The following TMEM114 variants were observed in gnomAD, a reference collection of about 807,000 sequenced individuals.
The protein encoded by TMEM114 is transmembrane protein 114.
Under a neutral mutation model 6.2 loss-of-function variants are expected in TMEM114, and 6 were observed. That is an observed-to-expected ratio of 0.97 (90% CI 0.53 to 1.91). The LOEUF (loss-of-function observed/expected upper bound fraction) is 1.91. Among genes scored for constraint, TMEM114 ranks in the 40% most tolerant of loss-of-function variants. The pLI is 0.01. For missense variants in TMEM114, 218 were observed against 158.3 expected (o/e 1.38, Z -2.02); for synonymous variants, 104 against 73.0 (o/e 1.42, Z -2.16).
In TMEM114 at chr16:8,563,837, G is replaced by A. The variant is rs879298418; in HGVS notation, n.212+25376C>T. Among the ~76,000 whole-genome samples, 498 of 84,816 alleles carry A rather than the reference G, an allele frequency of 5.9e-3. 1 individual carries two copies. Among genetic ancestry groups the A allele is most frequent in the Middle Eastern group, 0.032 (4 of 124 alleles). The allele number at this position is 84,816 out of a possible 152,430, so 55.6% of individuals were successfully genotyped here. A position where few individuals can be genotyped will look rare whatever the true frequency, so the allele number is the denominator to read the frequency against. On this transcript the variant is annotated intron_variant and non_coding_transcript_variant, in intron 2 of 2. Coordinates refer to the TMEM114 transcript ENST00000623677. ...AATGAGTGAGTGAGTGAATGAGTGA[G>A]GGAGGGAGGGAGGGAGGGAGGGAAT...
downstream of TMEM114, among the ~76,000 whole-genome samples, chr16:8,566,874 A>C (rs1010108633): frequency 2.7e-5 from 4 of 145,842 alleles, no homozygotes; most frequent in African/African-American, 7.6e-5. Context: ...TCTCTACCAG[A>C]CACCTTTCAT....
At chr16:8,548,531 G>C (rs1042985614) in intron 2 of TMEM114, among the ~76,000 whole-genome samples, 1 of 152,088 alleles carries the variant, frequency 6.6e-6, no homozygotes. Flanking sequence ...CAGGTGCACT[G>C]TGTATCTGTT....
the TMEM114 span, among the ~76,000 whole-genome samples, chr16:8,529,743 A>G: frequency 9.2e-5 from 14 of 151,984 alleles, no homozygotes; most frequent in Non-Finnish European, 1.6e-4. Flanking sequence ...AAAAAAAAAA[A>G]AGTCCTGATG....
At chr16:8,544,556 C>T (rs531172198) in intron 2 of TMEM114, among the ~76,000 whole-genome samples, 1 of 152,264 alleles carries the variant, frequency 6.6e-6, no homozygotes, top group South Asian at 2.1e-4. Flanking sequence ...CGGTAGACGA[C>T]CAACCTGTTG....
chr16:8,536,173 C>G (rs1234171614), downstream of TMEM114, among the ~76,000 whole-genome samples: 1 of 150,388 alleles, frequency 6.6e-6, no homozygotes, highest in Non-Finnish European at 1.5e-5. Flanking sequence ...TGCAGTGAGC[C>G]GAGATAGCAC....
intron 2 of TMEM114, among the ~76,000 whole-genome samples, chr16:8,539,068 T>C (rs1254738486): frequency 2.0e-5 from 3 of 152,158 alleles, no homozygotes; most frequent in Non-Finnish European, 2.9e-5. Flanking sequence ...AAATAGCGTA[T>C]TTGTGAGTTG....
rs201664765 is a variant in TMEM114 at position 8,563,192 on chromosome 16, A to AGTG, written n.213-25367_213-25366insCAC. The stretch of plus-strand genomic sequence containing the variant: ...GAGTAAATGAGTGAGTGAATGAGTG[A>AGTG]ATGAATGAGTGAATGAGTGAGCAAA... On this transcript the variant is annotated intron_variant and non_coding_transcript_variant, in intron 2 of 2. Transcript: ENST00000623677. Among the ~76,000 whole-genome samples, 102 of 151,810 alleles carry AGTG rather than the reference A, an allele frequency of 6.7e-4. No individual in the cohort carries two copies. The Middle Eastern group carries it at 0.01, about 15-fold the overall frequency.
At chr16:8,554,110 C>G (rs1394479415) in intron 2 of TMEM114, among the ~76,000 whole-genome samples, 7 of 152,158 alleles carry the variant, frequency 4.6e-5, no homozygotes, top group African/African-American at 1.7e-4. Flanking sequence ...AACTCCTGAG[C>G]TCAGGTGATC....
chr16:8,579,278 A>T (rs1902051705), intron 2 of TMEM114, among the ~76,000 whole-genome samples: 1 of 152,146 alleles, frequency 6.6e-6, no homozygotes. Context: ...GATGTCTCTT[A>T]CCCCAGGAAC....
At position 8,581,739 on chromosome 16, in the gene TMEM114, C is replaced by T. The variant is rs573576004; in HGVS notation, c.301+7474G>A. On this transcript the variant is annotated intron_variant, in intron 2 of 3. Coordinates refer to ENST00000620492, the MANE Select transcript of TMEM114 (RefSeq NM_001146336.2). ...AAATTGCTGGGATTACAGGTGTGCG[C>T]CACTGCGCCCAGCCAGAAGTGGACT... is the stretch of plus-strand genomic sequence containing the variant. Among the ~76,000 whole-genome samples the T allele has an allele frequency of 2.6e-5, 4 of 152,372 alleles. 1 individual carries two copies. In the East Asian group the frequency reaches 7.7e-4, roughly 29 times the overall value.
the TMEM114 span, among the ~76,000 whole-genome samples, chr16:8,530,704 G>A: frequency 9.2e-5 from 14 of 151,692 alleles, no homozygotes; most frequent in Non-Finnish European, 1.6e-4. Context: ...GGGAGAGAGA[G>A]AATTGGGATT....
chr16:8,578,141 G>T (rs907342209), intron 2 of TMEM114, among the ~76,000 whole-genome samples: 8 of 151,300 alleles, frequency 5.3e-5, no homozygotes, highest in Non-Finnish European at 8.8e-5. Flanking sequence ...CAGTGGCGGT[G>T]GGGGGGCCTT....
At position 8,546,546 on chromosome 16, in the gene TMEM114, A is replaced by G. The variant is rs557469985; in HGVS notation, n.213-8720T>C. ...CAGACTTGTAGAAAGTCCGGCCACT[A>G]TCTCTAGCAATTGGTTCAGGAAGCC... On this transcript the variant is annotated intron_variant and non_coding_transcript_variant, in intron 2 of 2. Coordinates refer to the TMEM114 transcript ENST00000623677. Among the ~76,000 whole-genome samples the G allele has an allele frequency of 8.5e-5, 13 of 152,286 alleles. No homozygotes were observed. In the South Asian group the frequency reaches 1.7e-3, roughly 19 times the overall value.
the TMEM114 span, among the ~76,000 whole-genome samples, chr16:8,532,343 C>G: frequency 2.2e-3 from 331 of 152,226 alleles, 2 homozygotes; most frequent in African/African-American, 7.6e-3. Flanking sequence ...CTCTCTGGGA[C>G]TTATAAATAG....
At chr16:8,531,305 T>C in the TMEM114 span, among the ~76,000 whole-genome samples, 1 of 152,236 alleles carries the variant, frequency 6.6e-6, no homozygotes, top group African/African-American at 2.4e-5. Flanking sequence ...TAATTTGCAT[T>C]GCAAAATTCA....
chr16:8,552,660 A>AT (rs902537301), intron 2 of TMEM114, among the ~76,000 whole-genome samples: 15 of 151,196 alleles, frequency 9.9e-5, no homozygotes, highest in African/African-American at 3.4e-4. Context: ...TCTATGTACT[A>AT]TTTTTGCCAC....
intron 2 of TMEM114, among the ~76,000 whole-genome samples, chr16:8,540,244 G>C (rs1900476892): frequency 1.3e-5 from 2 of 152,280 alleles, no homozygotes; most frequent in African/African-American, 2.4e-5. Context: ...TAAGGATACA[G>C]TGATGAACTA....
intron 2 of TMEM114, among the ~76,000 whole-genome samples, chr16:8,561,864 G>A (rs1186445392): frequency 6.4e-4 from 88 of 136,826 alleles, no homozygotes; most frequent in African/African-American, 2.4e-3. Flanking sequence ...GAGTGAGTGA[G>A]GGAATGAGTG....
chr16:8,547,428 T>C (rs1900704863), intron 2 of TMEM114, among the ~76,000 whole-genome samples: 1 of 150,394 alleles, frequency 6.6e-6, no homozygotes, highest in African/African-American at 2.5e-5. Flanking sequence ...AGTCTCGCTC[T>C]GTCACCCAGG....
Sources: gnomAD v4.1 joint callset for allele counts (sites outside exome capture counted in the v4.1 genomes callset) on GRCh38, gnomAD v4.1.1 for gene constraint, MANE v1.5 for transcripts, NCBI Gene and HGNC (gene_info 2026-07-23, HGNC 2026-07-21) for gene names.